Variants in PTPN1 observed in about 807,000 individuals in gnomAD.
PTPN1 encodes tyrosine-protein phosphatase non-receptor type 1.
PTPN1 carries 12 observed loss-of-function variants against 59.9 expected under a neutral mutation model. The ratio of observed to expected loss-of-function variants is 0.20; its 90% CI spans 0.13 to 0.32. The LOEUF is 0.32. Ranked by LOEUF, PTPN1 falls within the 10% of genes least tolerant of loss-of-function variation. The probability of loss-of-function intolerance (pLI) is 1.00; values close to 1 mark genes in which losing one functional copy is unlikely to be tolerated. For synonymous variants in PTPN1, 178 were observed against 203.6 expected (o/e 0.87, Z 1.07); for missense variants, 356 against 549.2 (o/e 0.65, Z 3.52).
At chr20:50,522,358 A>G (rs958544428) in intron 1 of PTPN1, among the ~76,000 whole-genome samples, 2 of 152,224 alleles carry the variant, frequency 1.3e-5, no homozygotes, top group Admixed American at 6.5e-5. Context: ...TGAGGTGACC[A>G]AATATGCTTG....
In PTPN1 at chr20:50,583,739, G is replaced by A. The variant is rs180891313; in HGVS notation, c.*1024G>A. On this transcript the variant is annotated 3_prime_UTR_variant, in exon 10 of 10. Transcript: ENST00000371621. ...CATGACACTCTAGTGACTTCCTGGT[G>A]AGGCCCAGCCTGTCCTGGTACAGCA... 3.3e-5 allele frequency: 5 copies of A among 152,778 alleles called. No individual in the cohort carries two copies. In the East Asian group the frequency reaches 9.6e-4, roughly 29 times the overall value. The allele number at this position is 152,778 out of a possible 1,614,324, so 9.5% of individuals were successfully genotyped here.
intron 1 of PTPN1, among the ~76,000 whole-genome samples, chr20:50,538,049 C>A (rs1381948062): frequency 6.6e-6 from 1 of 152,014 alleles, no homozygotes. Context: ...CCACTGGCTG[C>A]CTCTCTGGGG....
chr20:50,537,441 A>G (rs2082629042), intron 1 of PTPN1, among the ~76,000 whole-genome samples: 1 of 152,252 alleles, frequency 6.6e-6, no homozygotes, highest in Admixed American at 6.5e-5. Flanking sequence ...GCAGTACAGT[A>G]TCACAACCAC....
intron 1 of PTPN1, among the ~76,000 whole-genome samples, chr20:50,511,576 A>C (rs1251402911): frequency 2.0e-5 from 3 of 152,202 alleles, no homozygotes; most frequent in African/African-American, 7.2e-5. Flanking sequence ...GTCGTGGCAG[A>C]GATGACCTTG....
intron 1 of PTPN1, among the ~76,000 whole-genome samples, chr20:50,533,344 G>A (rs537659787): frequency 1.6e-4 from 25 of 152,178 alleles, no homozygotes; most frequent in African/African-American, 6.0e-4. Context: ...TTAGTTTTCA[G>A]ATAAGACCTT....
intron 4 of PTPN1, chr20:50,571,004 G>T (rs915459052): frequency 6.6e-6 from 1 of 152,232 alleles, no homozygotes; most frequent in Non-Finnish European, 1.5e-5. Flanking sequence ...TTTCTTTGTT[G>T]CTAAGTGTTT....
In PTPN1 at chr20:50,582,983, G is replaced by A. The variant is rs953322034; in HGVS notation, c.*268G>A. The A allele has an allele frequency of 1.7e-5, 9 of 533,586 alleles. No individual in the cohort carries two copies. The highest frequency in any genetic ancestry group is 4.8e-5 in the South Asian group (2 of 41,774). The allele number at this position is 533,586 out of a possible 1,614,324, so 33.1% of individuals were successfully genotyped here. On this transcript the variant is annotated 3_prime_UTR_variant, in exon 10 of 10. Transcript: ENST00000371621. This position sits in a 1 kb window ranked among gnomAD's most constrained non-coding sequence, Gnocchi z 4.2. ...TGAAAGAGAGTACCATGCTGGCGGC[G>A]CAGAGGGAAGGGGCCTACACCCGTC...
At chr20:50,558,850 A>G (rs978440801) in intron 1 of PTPN1, among the ~76,000 whole-genome samples, 1 of 151,380 alleles carries the variant, frequency 6.6e-6, no homozygotes, top group African/African-American at 2.4e-5. Flanking sequence ...CTCTCCCTCC[A>G]GTTTTTGCAG....
intron 2 of PTPN1, among the ~76,000 whole-genome samples, chr20:50,562,197 G>A (rs1467994154): frequency 2.6e-5 from 4 of 152,168 alleles, no homozygotes; most frequent in Admixed American, 6.5e-5. Context: ...GTGAGGGGTC[G>A]TAGCTGCCAG....
intron 1 of PTPN1, among the ~76,000 whole-genome samples, chr20:50,513,356 C>T (rs181087273): frequency 6.6e-6 from 1 of 152,180 alleles, no homozygotes; most frequent in East Asian, 1.9e-4. Flanking sequence ...AGAATGAGCC[C>T]AGATGAGGAA....
At chr20:50,527,447 G>A (rs1026556259) in intron 1 of PTPN1, among the ~76,000 whole-genome samples, 4 of 152,006 alleles carry the variant, frequency 2.6e-5, no homozygotes, top group Admixed American at 6.5e-5. Context: ...GGCTTCAGGC[G>A]ATTCTCCTGC....
At chr20:50,514,358 C>G (rs919343426) in intron 1 of PTPN1, among the ~76,000 whole-genome samples, 1 of 152,170 alleles carries the variant, frequency 6.6e-6, no homozygotes, top group Non-Finnish European at 1.5e-5. Flanking sequence ...CTGAATTTCA[C>G]AGTGGAAATG....
chr20:50,575,859 C>T (rs2082834269), intron 5 of PTPN1, among the ~76,000 whole-genome samples: 1 of 152,126 alleles, frequency 6.6e-6, no homozygotes, highest in African/African-American at 2.4e-5. Flanking sequence ...CCCGGGAGTT[C>T]AAGGCTGCAG....
At position 50,565,018 on chromosome 20, in the gene PTPN1, C is replaced by T. The variant is rs139812037; in HGVS notation, c.204C>T (p.Asn68=). ...KLHQEDNDYI[N]ASLIKMEEAQ... ...ATCAAGAAGATAATGACTATATCAACGCTAGTTTGATAAAAATGGAAGAAG... is the reference window on the plus strand; with the variant it reads ...ATCAAGAAGATAATGACTATATCAATGCTAGTTTGATAAAAATGGAAGAAG... Residue 68 remains asparagine, a synonymous_variant, in exon 3 of 10, where the codon AAC becomes AAT. Coordinates refer to ENST00000371621, the MANE Select transcript of PTPN1 (RefSeq NM_002827.4). 1.9e-5 allele frequency: 30 copies of T among 1,613,226 alleles called. No individual in the cohort carries two copies. Among genetic ancestry groups the T allele is most frequent in the Admixed American group, 6.7e-5 (4 of 59,596 alleles).
At chr20:50,537,557 T>C (rs2082629536) in intron 1 of PTPN1, among the ~76,000 whole-genome samples, 2 of 152,226 alleles carry the variant, frequency 1.3e-5, no homozygotes, top group Admixed American at 1.3e-4. Context: ...ATTATAAAGC[T>C]GTTTTTAATG....
At chr20:50,580,796 A>G (rs901120500) in intron 8 of PTPN1, among the ~76,000 whole-genome samples, 3 of 152,252 alleles carry the variant, frequency 2.0e-5, no homozygotes, top group African/African-American at 7.2e-5. Flanking sequence ...GTGAAAAATT[A>G]GAGACAGGCC....
chr20:50,522,375 G>A (rs2082555215), intron 1 of PTPN1, among the ~76,000 whole-genome samples: 1 of 152,204 alleles, frequency 6.6e-6, no homozygotes, highest in African/African-American at 2.4e-5. Flanking sequence ...CTTGCACTGA[G>A]ACGGCTACGA....
At chr20:50,520,559 G>C (rs1199533200) in intron 1 of PTPN1, among the ~76,000 whole-genome samples, 1 of 152,184 alleles carries the variant, frequency 6.6e-6, no homozygotes, top group Non-Finnish European at 1.5e-5. Context: ...GCAAGGCTTT[G>C]CTGGGCTGTG....
intron 1 of PTPN1, among the ~76,000 whole-genome samples, chr20:50,557,231 C>A (rs1054118747): frequency 6.6e-6 from 1 of 151,804 alleles, no homozygotes; most frequent in Non-Finnish European, 1.5e-5. Flanking sequence ...TTTATAAATT[C>A]TTTTTATTAT....
Sources: gnomAD v4.1 joint callset for allele counts (sites outside exome capture counted in the v4.1 genomes callset) on GRCh38, gnomAD v4.1.1 for gene constraint, Gnocchi (gnomAD v3.1) non-coding constraint, MANE v1.5 for transcripts, NCBI Gene and HGNC (gene_info 2026-07-23, HGNC 2026-07-21) for gene names.